Variants in ZNF536 observed in about 807,000 individuals in gnomAD.
ZNF536 encodes the protein zinc finger protein 536.
In ZNF536, 13 loss-of-function variants were observed where a neutral mutation model predicts 84.5. The observed-to-expected ratio is 0.15, with a 90% CI of 0.10 to 0.24. The LOEUF is 0.24. Ranked by LOEUF, ZNF536 falls within the 10% of genes least tolerant of loss-of-function variation. The pLI is 1.00. For missense variants in ZNF536, 1,536 were observed against 1,747.5 expected (o/e 0.88, Z 2.16); for synonymous variants, 811 against 742.5 (o/e 1.09, Z -1.50).
downstream of ZNF536, among the ~76,000 whole-genome samples, chr19:30,559,346 A>C (rs1481246604): frequency 6.6e-6 from 1 of 152,250 alleles, no homozygotes; most frequent in South Asian, 2.1e-4. Flanking sequence ...CTGTGTGGCC[A>C]CATTTAGGCA....
intron 1 of ZNF536, among the ~76,000 whole-genome samples, chr19:30,283,900 A>G (rs2045541665): frequency 6.6e-6 from 1 of 152,228 alleles, no homozygotes; most frequent in African/African-American, 2.4e-5. Flanking sequence ...CAAAGGTCAC[A>G]TAGTTCCCAT....
intron 2 of ZNF536, among the ~76,000 whole-genome samples, chr19:30,294,427 C>A (rs1397914792): frequency 6.6e-6 from 1 of 152,084 alleles, no homozygotes; most frequent in Admixed American, 6.6e-5. Flanking sequence ...CTGAACTCAA[C>A]AGAATAATTT....
At chr19:30,615,870 C>G (rs972764428) in intron 1 of ZNF536, among the ~76,000 whole-genome samples, 3 of 152,092 alleles carry the variant, frequency 2.0e-5, no homozygotes, top group Non-Finnish European at 4.4e-5. Context: ...TCTCTTCTCT[C>G]TCTTTTCTCC....
chr19:30,584,621 A>T (rs1221349933), intron 1 of ZNF536, among the ~76,000 whole-genome samples: 1 of 152,192 alleles, frequency 6.6e-6, no homozygotes, highest in African/African-American at 2.4e-5. Context: ...AGCCTTCGGG[A>T]TTAGCTCTCT....
At chr19:30,251,911 T>C (rs2024631306) in intron 1 of ZNF536, among the ~76,000 whole-genome samples, 1 of 152,234 alleles carries the variant, frequency 6.6e-6, no homozygotes, top group South Asian at 2.1e-4. Flanking sequence ...ATGCCATTTA[T>C]TCATTCCTTT....
intron 1 of ZNF536, among the ~76,000 whole-genome samples, chr19:30,691,754 A>T (rs1056368956): frequency 3.3e-5 from 5 of 152,200 alleles, no homozygotes; most frequent in African/African-American, 1.2e-4. Flanking sequence ...AAGAAAAAAA[A>T]ATGGGGAGGG....
intron 3 of ZNF536, among the ~76,000 whole-genome samples, chr19:30,363,209 G>C (rs761114379): frequency 6.6e-6 from 1 of 152,140 alleles, no homozygotes; most frequent in Non-Finnish European, 1.5e-5. Context: ...AGTATTTCCC[G>C]ACCTATTCCC....
intron 1 of ZNF536, among the ~76,000 whole-genome samples, chr19:30,697,087 T>C (rs1944968162): frequency 6.6e-6 from 1 of 152,060 alleles, no homozygotes; most frequent in Non-Finnish European, 1.5e-5. Flanking sequence ...CTTACAGTCA[T>C]GGCGTAAGGT....
At chr19:30,681,451 T>C (rs535241070) in intron 1 of ZNF536, among the ~76,000 whole-genome samples, 1 of 151,546 alleles carries the variant, frequency 6.6e-6, no homozygotes, top group Admixed American at 6.6e-5. Context: ...GGGAGTGGGG[T>C]AGGAAATAGG....
chr19:30,325,620 G>A (rs921655094), intron 2 of ZNF536, among the ~76,000 whole-genome samples: 1 of 152,158 alleles, frequency 6.6e-6, no homozygotes, highest in African/African-American at 2.4e-5. Context: ...TCTTGCATCT[G>A]TCCTTTTGCC....
At chr19:30,670,254 T>C (rs1376743638) in intron 1 of ZNF536, among the ~76,000 whole-genome samples, 1 of 150,136 alleles carries the variant, frequency 6.7e-6, no homozygotes, top group African/African-American at 2.4e-5. Context: ...ACTCCTCCCC[T>C]CCTGCGCCGC....
At chr19:30,610,844 G>A (rs923748571) in intron 1 of ZNF536, among the ~76,000 whole-genome samples, 4 of 152,152 alleles carry the variant, frequency 2.6e-5, no homozygotes, top group Non-Finnish European at 5.9e-5. Flanking sequence ...AGAAGGAATA[G>A]CATGCCCATG....
At chr19:30,708,354 G>A (rs1280715366) in intron 1 of ZNF536, among the ~76,000 whole-genome samples, 4 of 152,248 alleles carry the variant, frequency 2.6e-5, no homozygotes, top group Non-Finnish European at 5.9e-5. Flanking sequence ...GACCATCTGA[G>A]GTTTGGTTTG....
chr19:30,599,399 C>G (rs1599937928), intron 1 of ZNF536, among the ~76,000 whole-genome samples: 1 of 127,278 alleles, frequency 7.9e-6, no homozygotes, highest in South Asian at 3.1e-4. Context: ...CCTTTCCTCC[C>G]TTCCTTCTTC....
intron 1 of ZNF536, among the ~76,000 whole-genome samples, chr19:30,247,850 T>C (rs2024368410): frequency 6.6e-6 from 1 of 152,206 alleles, no homozygotes. Context: ...CAGAAAATTA[T>C]AAGTAAATAA....
At chr19:30,562,206 C>G (rs1245821727), downstream of ZNF536, among the ~76,000 whole-genome samples, 2 of 152,170 alleles carry the variant, frequency 1.3e-5, no homozygotes, top group African/African-American at 2.4e-5. Flanking sequence ...TCTCCACCAC[C>G]CTTTTCCAGT....
At chr19:30,435,332 AT>A (rs762960236) in intron 1 of ZNF536, among the ~76,000 whole-genome samples, 2 of 147,824 alleles carry the variant, frequency 1.4e-5, no homozygotes, top group African/African-American at 5.0e-5. Context: ...GGTGATGATG[AT>A]GGTGATGGTG....
intron 2 of ZNF536, among the ~76,000 whole-genome samples, chr19:30,310,807 C>G (rs2146084418): frequency 6.6e-6 from 1 of 152,328 alleles, no homozygotes; most frequent in Middle Eastern, 3.4e-3. Context: ...TAACGCCGAG[C>G]ACTTTCTTCT....
At position 30,644,066 on chromosome 19, in the gene ZNF536, G is replaced by A. The variant is rs765031805; in HGVS notation, c.170-66691G>A. 1.1e-4 allele frequency among the ~76,000 whole-genome samples: 16 copies of A among 152,150 alleles called. No homozygotes were observed. The South Asian group carries it at 1.7e-3, about 16-fold the overall frequency. ...GCTTCAGAGACAAGTGTTTAAAATG[G>A]CAGTGGAGCCACAGATAACAAGTGA... On this transcript the variant is annotated intron_variant, in intron 1 of 1. Transcript: ENST00000592773.
Sources: gnomAD v4.1 joint callset for allele counts (sites outside exome capture counted in the v4.1 genomes callset) on GRCh38, gnomAD v4.1.1 for gene constraint, MANE v1.5 for transcripts, NCBI Gene and HGNC (gene_info 2026-07-23, HGNC 2026-07-21) for gene names.